NLGN1: variants seen among roughly 807,000 people sequenced by gnomAD.
NLGN1 encodes the protein neuroligin-1.
Under a neutral mutation model 65.5 loss-of-function variants are expected in NLGN1, and 12 were observed. That is an observed-to-expected ratio of 0.18 (90% CI 0.12 to 0.30). The LOEUF (loss-of-function observed/expected upper bound fraction) is 0.30. Ranked by LOEUF, NLGN1 falls within the 10% of genes least tolerant of loss-of-function variation. The pLI, the probability that NLGN1 is intolerant of heterozygous loss-of-function variation, is 1.00. For synonymous variants in NLGN1, 350 were observed against 359.5 expected, an observed-to-expected ratio of 0.97 and a Z score of 0.30; for missense variants, 750 against 1,007.1, an observed-to-expected ratio of 0.74 and a Z score of 3.46.
intron 2 of NLGN1, among the ~76,000 whole-genome samples, chr3:173,524,061 C>T (rs1252430799): frequency 6.7e-6 from 1 of 150,310 alleles, no homozygotes; most frequent in Non-Finnish European, 1.5e-5. Context: ...GCTGGGACTA[C>T]AGGCACCCGC....
At chr3:173,769,275 G>A (rs533720906) in intron 3 of NLGN1, among the ~76,000 whole-genome samples, 59 of 152,202 alleles carry the variant, frequency 3.9e-4, no homozygotes, top group Non-Finnish European at 5.1e-4. Context: ...TTTCTTCCAG[G>A]AGAAAGACCA....
chr3:173,722,820 T>C (rs116237834), intron 3 of NLGN1, among the ~76,000 whole-genome samples: 2,683 of 152,238 alleles, frequency 0.018, 75 homozygotes, highest in African/African-American at 0.063. Context: ...TACTTATTCA[T>C]CAAAATTTTA....
chr3:174,066,516 G>GTCTCTCCCTCTC (rs1738583687), intron 4 of NLGN1, among the ~76,000 whole-genome samples: 5 of 67,032 alleles, frequency 7.5e-5, no homozygotes, highest in Non-Finnish European at 1.1e-4. Context: ...TATGGAACAA[G>GTCTCTCCCTCTC]TCTCTCTCTC....
intron 4 of NLGN1, among the ~76,000 whole-genome samples, chr3:174,069,436 G>A (rs1739356799): frequency 1.3e-5 from 2 of 152,196 alleles, no homozygotes; most frequent in African/African-American, 2.4e-5. Context: ...GAAGGATATT[G>A]CAGTGACGGG....
chr3:173,788,159 T>C (rs991580411), intron 3 of NLGN1, among the ~76,000 whole-genome samples: 3 of 150,488 alleles, frequency 2.0e-5, no homozygotes, highest in African/African-American at 7.3e-5. Context: ...ACCTTTAAAT[T>C]TTCTGTATTT....
intron 4 of NLGN1, among the ~76,000 whole-genome samples, chr3:174,128,232 C>T (rs9860761): frequency 0.08 from 12,200 of 152,142 alleles, 1,078 homozygotes; most frequent in African/African-American, 0.22. Flanking sequence ...ACACGCTAAG[C>T]TTAGCCTGAG....
chr3:173,751,817 T>C (rs182781165), intron 3 of NLGN1, among the ~76,000 whole-genome samples: 1 of 152,250 alleles, frequency 6.6e-6, no homozygotes, highest in East Asian at 1.9e-4. Context: ...TATTATCTTA[T>C]GCTATTCCCA....
At chr3:174,140,879 T>C (rs1722157038) in intron 4 of NLGN1, among the ~76,000 whole-genome samples, 1 of 152,178 alleles carries the variant, frequency 6.6e-6, no homozygotes, top group African/African-American at 2.4e-5. Flanking sequence ...TGTATAACTC[T>C]ATGATTGGGA....
rs566043212 is a variant in NLGN1, at chr3:173,995,902, T to C, written c.646+188070T>C. 6.9e-4 allele frequency among the ~76,000 whole-genome samples: 105 copies of C among 152,222 alleles called. No homozygotes were observed. In the South Asian group the frequency reaches 0.018, roughly 27 times the overall value. Reference sequence around the variant, plus strand: ...TGTCTCAGTATGTTGCCCAGGCTACTCTCAAACTCCTGGCTTTAAGCTATC... The same window carrying C: ...TGTCTCAGTATGTTGCCCAGGCTACCCTCAAACTCCTGGCTTTAAGCTATC... On this transcript the variant is annotated intron_variant, in intron 4 of 6. Transcript: ENST00000457714.
rs549203957 is a variant in NLGN1 at position 173,423,057 on chromosome 3, G to A, written c.-389-11953G>A. Among the ~76,000 whole-genome samples, 3 of 152,246 alleles carry A rather than the reference G, an allele frequency of 2.0e-5. No homozygotes were observed. The East Asian group carries it at 5.8e-4, about 29-fold the overall frequency. ...CTTACAATCATGGTAGAGGGCGAAG[G>A]AGAAGCAAGGAGCTTCTCCACAAGG... is the stretch of plus-strand genomic sequence containing the variant. On this transcript the variant is annotated intron_variant, in intron 1 of 6. Coordinates refer to ENST00000457714, the Ensembl canonical transcript of NLGN1.
At chr3:173,717,727 C>T (rs1296172726) in intron 3 of NLGN1, among the ~76,000 whole-genome samples, 1 of 151,984 alleles carries the variant, frequency 6.6e-6, no homozygotes, top group Non-Finnish European at 1.5e-5. Flanking sequence ...TTATGTGAGT[C>T]CTGCAAGCAT....
At chr3:174,174,066 A>G (rs937893525) in intron 4 of NLGN1, among the ~76,000 whole-genome samples, 2 of 152,096 alleles carry the variant, frequency 1.3e-5, no homozygotes, top group African/African-American at 4.8e-5. Context: ...TATGAGTGAG[A>G]ACATATGATG....
intron 4 of NLGN1, among the ~76,000 whole-genome samples, chr3:173,850,069 G>C (rs776773879): frequency 6.6e-6 from 1 of 152,026 alleles, no homozygotes; most frequent in Non-Finnish European, 1.5e-5. Flanking sequence ...AAAATATAGA[G>C]AGAAGAGTGT....
At chr3:173,401,746 T>C (rs1346325039) in intron 1 of NLGN1, among the ~76,000 whole-genome samples, 1 of 152,202 alleles carries the variant, frequency 6.6e-6, no homozygotes, top group Non-Finnish European at 1.5e-5. Flanking sequence ...TTTGCCGTGA[T>C]GGCAGAGTGA....
intron 2 of NLGN1, among the ~76,000 whole-genome samples, chr3:173,551,609 T>C (rs1033206039): frequency 1.3e-5 from 2 of 152,232 alleles, no homozygotes; most frequent in African/African-American, 2.4e-5. Context: ...GATGGAATCC[T>C]TTAATTTTAA....
At chr3:173,761,990 T>C (rs185171999) in intron 3 of NLGN1, among the ~76,000 whole-genome samples, 138 of 152,232 alleles carry the variant, frequency 9.1e-4, no homozygotes, top group African/African-American at 3.2e-3. Context: ...GTTGAAGGGT[T>C]ACAGAATGTT....
At chr3:174,071,892 C>G (rs1739964748) in intron 4 of NLGN1, among the ~76,000 whole-genome samples, 1 of 152,208 alleles carries the variant, frequency 6.6e-6, no homozygotes, top group African/African-American at 2.4e-5. Context: ...GGTTTGCTCT[C>G]AAGAAGCTTA....
chr3:173,560,330 GAA>G (rs1020300851), intron 2 of NLGN1, among the ~76,000 whole-genome samples: 4 of 151,180 alleles, frequency 2.6e-5, no homozygotes, highest in East Asian at 1.9e-4. Context: ...AGGAAAGAAA[GAA>G]AGAGAGAAAG....
chr3:174,253,385 T>C (rs1745116329), intron 4 of NLGN1, among the ~76,000 whole-genome samples: 1 of 152,212 alleles, frequency 6.6e-6, no homozygotes, highest in Non-Finnish European at 1.5e-5. Context: ...ATTGTGCTAC[T>C]GTATCTGGGA....
Sources: allele counts gnomAD v4.1 joint callset (sites outside exome capture counted in the v4.1 genomes callset), GRCh38; gene constraint gnomAD v4.1.1; transcripts MANE v1.5; gene names NCBI Gene and HGNC (gene_info 2026-07-23, HGNC 2026-07-21).